Variants in SVIL observed in about 807,000 individuals in gnomAD.
The protein encoded by SVIL is archvillin.
In SVIL, 101 loss-of-function variants were observed where a neutral mutation model predicts 240.4. That is an observed-to-expected ratio of 0.42 (90% CI 0.36 to 0.50). The LOEUF (loss-of-function observed/expected upper bound fraction) is 0.50. Among genes scored for constraint, SVIL ranks in the 20% least tolerant of loss-of-function variants. The pLI is 0.01. For synonymous variants in SVIL, 999 were observed against 1,100.0 expected, an observed-to-expected ratio of 0.91 and a Z score of 1.82; for missense variants, 2,512 against 2,818.7, an observed-to-expected ratio of 0.89 and a Z score of 2.46.
At chr10:29,614,965 A>G (rs1957378559) in intron 1 of SVIL, among the ~76,000 whole-genome samples, 3 of 152,212 alleles carry the variant, frequency 2.0e-5, no homozygotes, top group Non-Finnish European at 4.4e-5. Context: ...TAACAACTCT[A>G]TGTGATATGT....
chr10:29,714,362 T>A (rs1408362499), intron 1 of SVIL, among the ~76,000 whole-genome samples: 2 of 152,208 alleles, frequency 1.3e-5, no homozygotes, highest in Non-Finnish European at 2.9e-5. Context: ...ATTTTATTAT[T>A]TTATTTAGAA....
chr10:29,645,183 C>T (rs1219957251), intron 3 of SVIL, among the ~76,000 whole-genome samples: 4 of 152,056 alleles, frequency 2.6e-5, no homozygotes, highest in South Asian at 2.1e-4. Flanking sequence ...TCCTACAGTG[C>T]CATCAAATTC....
At chr10:29,602,172 T>G (rs1956835864) in intron 1 of SVIL, 1 of 463,338 alleles carries the variant, frequency 2.2e-6, no homozygotes, top group Non-Finnish European at 4.4e-6. Flanking sequence ...AGAAATGCTG[T>G]CCACGACAAA....
intron 1 of SVIL, among the ~76,000 whole-genome samples, chr10:29,608,910 G>C (rs996032723): frequency 5.3e-5 from 8 of 152,202 alleles, no homozygotes; most frequent in African/African-American, 1.9e-4. Context: ...CCGCAACCTG[G>C]AGTGAGAACT....
chr10:29,568,983 C>A (rs1266218604), intron 2 of SVIL, among the ~76,000 whole-genome samples: 1 of 152,160 alleles, frequency 6.6e-6, no homozygotes, highest in East Asian at 1.9e-4. Flanking sequence ...AAGGACAGTG[C>A]CTGCTTAGAG....
Position 29,549,703 on chromosome 10 carries a change from T to C in SVIL, c.827+894A>G, listed in dbSNP as rs1420712261. On this transcript the variant is annotated intron_variant, in intron 6 of 37. Coordinates refer to ENST00000355867, the MANE Select transcript of SVIL (RefSeq NM_021738.3). ...AATACTATGCAGCCATAAAAAAGGA[T>C]GAGTTCATGTCCTTTGCAGGGACAT... 1.1e-4 allele frequency among the ~76,000 whole-genome samples: 15 copies of C among 140,830 alleles called. No homozygotes were observed. The South Asian group carries it at 3.1e-3, about 29-fold the overall frequency. The allele number at this position is 140,830 out of a possible 152,430, so 92.4% of individuals were successfully genotyped here. A position where few individuals can be genotyped will look rare whatever the true frequency, so the allele number is the denominator to read the frequency against.
chr10:29,488,235 G>A (rs988399349), intron 23 of SVIL, among the ~76,000 whole-genome samples: 1 of 152,036 alleles, frequency 6.6e-6, no homozygotes, highest in African/African-American at 2.4e-5. Context: ...CTCTGATGAT[G>A]TAGGGCACCT....
In SVIL at chr10:29,703,526, G is replaced by A. The variant is rs148955639; in HGVS notation, c.-399-16875C>T. Among the ~76,000 whole-genome samples the A allele has an allele frequency of 1.4e-3, 210 of 152,304 alleles. 1 individual carries two copies. Among genetic ancestry groups the A allele is most frequent in the Non-Finnish European group, 2.3e-3 (154 of 68,012 alleles). On this transcript the variant is annotated intron_variant, in intron 1 of 35. Transcript: ENST00000375400. ...TAGAACACAGGCCTTCTGTCAGCTGGTTCTCCAGATGCACGCCAGCAGCCC... is the reference window on the plus strand; with the variant it reads ...TAGAACACAGGCCTTCTGTCAGCTGATTCTCCAGATGCACGCCAGCAGCCC...
Position 29,523,860 on chromosome 10 carries a change from C to T in SVIL, c.2754G>A (p.Ser918=), listed in dbSNP as rs779919819. ...TCAGAATGCTTCTAACTGGAGAGTC[C>T]GAATTTTCTATTGAAGAAGAAAACT... is the stretch of plus-strand genomic sequence containing the variant. ...DYKFSSSIEN[S]DSPVRSILKS... The change falls in exon 15 of 38, where the codon TCG becomes TCA. Residue 918 remains serine (S), a synonymous_variant. Transcript: ENST00000355867. 23 of 1,614,140 alleles carry T rather than the reference C, an allele frequency of 1.4e-5. No individual in the cohort carries two copies. The highest frequency in any genetic ancestry group is 1.6e-4 in the Middle Eastern group (1 of 6,062).
intron 1 of SVIL, among the ~76,000 whole-genome samples, chr10:29,605,282 A>G (rs1254448022): frequency 6.6e-6 from 1 of 152,220 alleles, no homozygotes; most frequent in Non-Finnish European, 1.5e-5. Context: ...ACAAAGCTAC[A>G]TCACCTTGAA....
intron 1 of SVIL, among the ~76,000 whole-genome samples, chr10:29,598,359 G>C (rs36042177): frequency 0.22 from 34,068 of 152,150 alleles, 4,960 homozygotes; most frequent in Non-Finnish European, 0.3. Context: ...AAATGGTTAA[G>C]ATAGTACATT....
intron 1 of SVIL, among the ~76,000 whole-genome samples, chr10:29,587,036 A>G (rs1224997431): frequency 3.3e-5 from 5 of 152,226 alleles, no homozygotes; most frequent in Admixed American, 1.3e-4. Context: ...GTACTCTTGA[A>G]CTTAAAAGTT....
In SVIL at chr10:29,589,245, C is replaced by G. The variant is rs1589334137; in HGVS notation, c.-200-19933G>C. 2.0e-5 allele frequency among the ~76,000 whole-genome samples: 3 copies of G among 152,256 alleles called. No homozygotes were observed. In the East Asian group the frequency reaches 5.8e-4, roughly 29 times the overall value. Reference sequence around the variant, plus strand: ...TAAGTAACACCAACCCCATGCCGCCCTATCACATCATCGCCCGCACGGCCT... The same window carrying G: ...TAAGTAACACCAACCCCATGCCGCCGTATCACATCATCGCCCGCACGGCCT... On this transcript the variant is annotated intron_variant, in intron 1 of 37. Coordinates refer to ENST00000355867, the MANE Select transcript of SVIL (RefSeq NM_021738.3).
chr10:29,541,494 A>G (rs1235521160), intron 6 of SVIL, among the ~76,000 whole-genome samples: 1 of 152,224 alleles, frequency 6.6e-6, no homozygotes, highest in African/African-American at 2.4e-5. Context: ...GGACTTCTTG[A>G]GTACTGAAAA....
At chr10:29,681,406 G>GAT (rs1554893787) in intron 2 of SVIL, among the ~76,000 whole-genome samples, 5 of 134,890 alleles carry the variant, frequency 3.7e-5, no homozygotes, top group Non-Finnish European at 7.9e-5. Context: ...AAGATGGAAT[G>GAT]GTGTGTGTGT....
chr10:29,522,563 G>T lies in SVIL; in HGVS notation c.3236C>A (p.Ala1079Asp). 1.2e-6 allele frequency: 2 copies of T among 1,614,198 alleles called. No individual in the cohort carries two copies. The highest frequency in any genetic ancestry group is 1.7e-6 in the Non-Finnish European group (2 of 1,180,034). ...AAGKTIAQTT[A>D]PVSWKPQDSS... Reference sequence around the variant, plus strand: ...ATCCTGGGGCTTCCAGGACACGGGGGCTGTGGTTTGAGCAATAGTTTTCCC... The same window carrying T: ...ATCCTGGGGCTTCCAGGACACGGGGTCTGTGGTTTGAGCAATAGTTTTCCC... The change falls in exon 16 of 38, where the codon GCC becomes GAC. Residue 1079 changes from alanine to aspartate, a missense_variant. This residue lies in a region of SVIL where 1,443 missense variants were observed against 1,486.6 expected (regional missense o/e 0.97). Transcript: ENST00000355867.
intron 2 of SVIL, among the ~76,000 whole-genome samples, chr10:29,565,279 A>G (rs1954876229): frequency 6.6e-6 from 1 of 152,234 alleles, no homozygotes; most frequent in African/African-American, 2.4e-5. Flanking sequence ...CGCTGAATTT[A>G]CAGAGTGAGC....
intron 1 of SVIL, among the ~76,000 whole-genome samples, chr10:29,588,448 C>G (rs1956258008): frequency 6.6e-6 from 1 of 152,090 alleles, no homozygotes; most frequent in South Asian, 2.1e-4. Context: ...ACATACAGCA[C>G]CCATTCATTC....
chr10:29,497,902 CA>C (rs11007626), intron 18 of SVIL, among the ~76,000 whole-genome samples: 5,640 of 146,268 alleles, frequency 0.039, 364 homozygotes, highest in African/African-American at 0.14. Context: ...GCAAACATGG[CA>C]AAACCCCGTC....
Sources: allele counts gnomAD v4.1 joint callset (sites outside exome capture counted in the v4.1 genomes callset), GRCh38; gene constraint gnomAD v4.1.1; regional missense constraint gnomAD v4.1.1; transcripts MANE v1.5; gene names NCBI Gene and HGNC (gene_info 2026-07-23, HGNC 2026-07-21).